Variants in SGCZ observed in about 807,000 individuals in gnomAD.
The protein encoded by SGCZ is sarcoglycan zeta, also known as zeta-sarcoglycan.
SGCZ carries 40 observed loss-of-function variants against 41.3 expected under a neutral mutation model. The ratio of observed to expected loss-of-function variants is 0.97; its 90% CI spans 0.75 to 1.26. SGCZ has a LOEUF of 1.26. SGCZ is among the 50% of genes most tolerant of loss of function. The pLI is 0.00. For synonymous variants in SGCZ, 206 were observed against 137.5 expected (o/e 1.50, Z -3.49); for missense variants, 552 against 369.8 (o/e 1.49, Z -4.04).
intron 1 of SGCZ, among the ~76,000 whole-genome samples, chr8:15,112,164 G>C (rs74493711): frequency 1.3e-5 from 2 of 152,122 alleles, no homozygotes; most frequent in Non-Finnish European, 2.9e-5. Flanking sequence ...AGAAGGCCTT[G>C]ACTCTTTCAC....
At chr8:14,790,289 T>C (rs193025248) in intron 1 of SGCZ, among the ~76,000 whole-genome samples, 2 of 152,178 alleles carry the variant, frequency 1.3e-5, no homozygotes, top group East Asian at 1.9e-4. Context: ...TAATCAAATA[T>C]ACGTAAATTA....
chr8:15,063,917 C>G (rs1240295910), intron 1 of SGCZ, among the ~76,000 whole-genome samples: 1 of 152,078 alleles, frequency 6.6e-6, no homozygotes, highest in Non-Finnish European at 1.5e-5. Context: ...TGCCCTGAGT[C>G]AAGGTTTGTA....
chr8:14,622,299 G>C (rs1195046787), intron 1 of SGCZ, among the ~76,000 whole-genome samples: 1 of 152,124 alleles, frequency 6.6e-6, no homozygotes, highest in Non-Finnish European at 1.5e-5. Context: ...ACTGAGAACT[G>C]ATCATTAGAT....
chr8:14,309,458 G>A, intron 3 of SGCZ: 2 of 1,605,936 alleles, frequency 1.2e-6, no homozygotes, highest in Non-Finnish European at 1.7e-6. Flanking sequence ...TGACTGCAGT[G>A]ATGATGTATG....
At chr8:14,715,628 G>A (rs1042793487) in intron 1 of SGCZ, among the ~76,000 whole-genome samples, 10 of 151,752 alleles carry the variant, frequency 6.6e-5, no homozygotes, top group African/African-American at 1.9e-4. Flanking sequence ...GACAAAATAC[G>A]AAAATTATGT....
intron 1 of SGCZ, among the ~76,000 whole-genome samples, chr8:15,190,051 C>A (rs1057500601): frequency 6.6e-6 from 1 of 152,100 alleles, no homozygotes; most frequent in Non-Finnish European, 1.5e-5. Context: ...TGTGTTATAG[C>A]CTACCTGATT....
intron 1 of SGCZ, among the ~76,000 whole-genome samples, chr8:14,870,388 A>G (rs2130701146): frequency 6.6e-6 from 1 of 152,318 alleles, no homozygotes; most frequent in East Asian, 1.9e-4. Context: ...AGCCATATGC[A>G]GAAAACTAAA....
At chr8:14,882,397 A>G (rs1157638129) in intron 1 of SGCZ, among the ~76,000 whole-genome samples, 1 of 152,200 alleles carries the variant, frequency 6.6e-6, no homozygotes, top group Non-Finnish European at 1.5e-5. Context: ...CAACATGCCT[A>G]TCAGATTTAT....
At chr8:15,218,495 T>G (rs563826872) in intron 1 of SGCZ, among the ~76,000 whole-genome samples, 1 of 152,204 alleles carries the variant, frequency 6.6e-6, no homozygotes, top group Non-Finnish European at 1.5e-5. Context: ...GGAGAGCTTT[T>G]GATATTATTA....
chr8:15,110,346 T>C (rs1016037069), intron 1 of SGCZ, among the ~76,000 whole-genome samples: 4 of 152,170 alleles, frequency 2.6e-5, no homozygotes, highest in Admixed American at 6.5e-5. Flanking sequence ...TTAGGAGAAA[T>C]TGTAAGCTCA....
intron 1 of SGCZ, among the ~76,000 whole-genome samples, chr8:14,616,942 C>G (rs1806124963): frequency 6.6e-6 from 1 of 151,952 alleles, no homozygotes; most frequent in Non-Finnish European, 1.5e-5. Flanking sequence ...TGCTATTTCC[C>G]AGCTATATAA....
chr8:14,105,897 G>C (rs1048630817), intron 6 of SGCZ, among the ~76,000 whole-genome samples: 1 of 151,436 alleles, frequency 6.6e-6, no homozygotes, highest in Non-Finnish European at 1.5e-5. Context: ...CAAAACGTTA[G>C]AAATAAAAAA....
At chr8:15,096,707 G>A (rs938308626) in intron 1 of SGCZ, among the ~76,000 whole-genome samples, 12 of 151,242 alleles carry the variant, frequency 7.9e-5, no homozygotes, top group African/African-American at 2.9e-4. Flanking sequence ...TATTTTTTGA[G>A]ACACAGTCTC....
chr8:14,541,310 C>T (rs190286279), intron 2 of SGCZ, among the ~76,000 whole-genome samples: 28 of 151,958 alleles, frequency 1.8e-4, no homozygotes, highest in East Asian at 7.8e-4. Flanking sequence ...TTTACCCCCA[C>T]GCCCGGCAGG....
At chr8:14,754,884 G>C (rs571493157) in intron 1 of SGCZ, among the ~76,000 whole-genome samples, 2 of 152,086 alleles carry the variant, frequency 1.3e-5, no homozygotes, top group Admixed American at 1.3e-4. Flanking sequence ...ACCACACCCA[G>C]CTTATTATTT....
intron 2 of SGCZ, among the ~76,000 whole-genome samples, chr8:14,466,860 G>T (rs1440749595): frequency 6.6e-6 from 1 of 151,298 alleles, no homozygotes; most frequent in Non-Finnish European, 1.5e-5. Context: ...TTGTTTTCTT[G>T]ATTTTCTCTA....
chr8:14,288,167 T>C (rs1272236191), intron 3 of SGCZ, among the ~76,000 whole-genome samples: 3 of 152,122 alleles, frequency 2.0e-5, no homozygotes, highest in Non-Finnish European at 2.9e-5. Flanking sequence ...CTTCTCAGTA[T>C]GTGAGTGTGG....
At chr8:14,552,533 AT>A (rs1168006050) in intron 2 of SGCZ, among the ~76,000 whole-genome samples, 6 of 150,494 alleles carry the variant, frequency 4.0e-5, no homozygotes, top group African/African-American at 1.2e-4. Flanking sequence ...ACGTAAAAAA[AT>A]AAATAAATAA....
At chr8:14,708,768 G>A (rs938145497) in intron 1 of SGCZ, among the ~76,000 whole-genome samples, 17 of 151,484 alleles carry the variant, frequency 1.1e-4, no homozygotes, top group African/African-American at 3.9e-4. Context: ...GATTCTATAT[G>A]ATATGGCTTC....
Sources: gnomAD v4.1 joint callset for allele counts (sites outside exome capture counted in the v4.1 genomes callset) on GRCh38, gnomAD v4.1.1 for gene constraint, MANE v1.5 for transcripts, NCBI Gene and HGNC (gene_info 2026-07-23, HGNC 2026-07-21) for gene names.